The following GRID1 variants were observed in gnomAD, a reference collection of about 807,000 sequenced individuals.
GRID1 encodes glutamate ionotropic receptor delta type subunit 1.
Under a neutral mutation model 98.0 loss-of-function variants are expected in GRID1, and 28 were observed. The observed-to-expected ratio is 0.29, with a 90% CI of 0.21 to 0.39. The LOEUF is 0.39. Among genes scored for constraint, GRID1 ranks in the 10% least tolerant of loss-of-function variants. The probability of loss-of-function intolerance (pLI) is 1.00; values close to 1 mark genes in which losing one functional copy is unlikely to be tolerated. For missense variants in GRID1, 1,111 were observed against 1,340.5 expected (o/e 0.83, Z 2.67); for synonymous variants, 553 against 538.5 (o/e 1.03, Z -0.37).
At chr10:85,759,072 G>T (rs1444604959) in intron 8 of GRID1, among the ~76,000 whole-genome samples, 1 of 152,158 alleles carries the variant, frequency 6.6e-6, no homozygotes, top group Non-Finnish European at 1.5e-5. Context: ...AAACATGATG[G>T]AGATCCCTGC....
intron 3 of GRID1, among the ~76,000 whole-genome samples, chr10:86,148,342 T>A (rs1202859717): frequency 6.6e-6 from 1 of 152,314 alleles, no homozygotes; most frequent in East Asian, 1.9e-4. Flanking sequence ...CTGGAGCAGA[T>A]TATGCTAAGT....
At chr10:85,703,951 C>T (rs946558495) in intron 12 of GRID1, among the ~76,000 whole-genome samples, 5 of 152,038 alleles carry the variant, frequency 3.3e-5, no homozygotes, top group Non-Finnish European at 7.4e-5. Context: ...TCAGCATTTG[C>T]TTGTCTGTAA....
At chr10:86,295,577 T>C (rs981558867) in intron 2 of GRID1, among the ~76,000 whole-genome samples, 4 of 152,020 alleles carry the variant, frequency 2.6e-5, no homozygotes, top group African/African-American at 9.7e-5. Context: ...GTGTTGCAGA[T>C]GCGGAAAGAG....
rs142409946 is a variant in GRID1, at chr10:85,867,928, T to C, written c.951+1082A>G. On this transcript the variant is annotated intron_variant, in intron 6 of 15. Transcript: ENST00000327946. ...TCCACATATGAGATTATAGAGTAGATTCATTCCTTTGGCAAATTTGACACA... is the reference window on the plus strand; with the variant it reads ...TCCACATATGAGATTATAGAGTAGACTCATTCCTTTGGCAAATTTGACACA... Among the ~76,000 whole-genome samples the C allele has an allele frequency of 7.5e-4, 115 of 152,330 alleles. 1 individual carries two copies. The highest frequency in any genetic ancestry group is 4.8e-3 in the South Asian group (23 of 4,826).
At chr10:85,688,643 T>C (rs1439221611) in intron 12 of GRID1, among the ~76,000 whole-genome samples, 1 of 152,222 alleles carries the variant, frequency 6.6e-6, no homozygotes, top group African/African-American at 2.4e-5. Flanking sequence ...CATCTCTAGA[T>C]GGCAAACGAT....
At chr10:86,114,355 T>G (rs745321820) in intron 4 of GRID1, among the ~76,000 whole-genome samples, 18 of 152,090 alleles carry the variant, frequency 1.2e-4, no homozygotes, top group Non-Finnish European at 2.2e-4. Context: ...GGGAAGGCAG[T>G]GGAGAGGTGG....
intron 4 of GRID1, among the ~76,000 whole-genome samples, chr10:86,070,409 A>T (rs971434693): frequency 3.3e-5 from 5 of 152,114 alleles, no homozygotes; most frequent in African/African-American, 1.2e-4. Flanking sequence ...TTCCATAGGG[A>T]GGCTATTTCT....
intron 2 of GRID1, among the ~76,000 whole-genome samples, chr10:86,255,512 C>T (rs1846903385): frequency 6.6e-6 from 1 of 152,220 alleles, no homozygotes; most frequent in Non-Finnish European, 1.5e-5. Context: ...AGTGGCTGAG[C>T]TCCCTTGCCA....
intron 4 of GRID1, among the ~76,000 whole-genome samples, chr10:85,974,187 C>T (rs1448356839): frequency 6.6e-6 from 1 of 152,134 alleles, no homozygotes; most frequent in East Asian, 1.9e-4. Context: ...ATGACCAGAT[C>T]CAGTATCAAT....
chr10:86,236,617 T>C (rs1846543232), intron 2 of GRID1, among the ~76,000 whole-genome samples: 1 of 152,134 alleles, frequency 6.6e-6, no homozygotes. Flanking sequence ...CCTGCATACA[T>C]CATCAATGAC....
chr10:85,613,196 T>C (rs1300997990), intron 15 of GRID1: 5 of 606,122 alleles, frequency 8.2e-6, no homozygotes, highest in Non-Finnish European at 1.4e-5. Context: ...CTGCAGCACT[T>C]TGTTCAAGCA....
chr10:85,675,906 G>A (rs1241272544), intron 12 of GRID1, among the ~76,000 whole-genome samples: 3 of 152,128 alleles, frequency 2.0e-5, no homozygotes, highest in South Asian at 2.1e-4. Context: ...TGAGGGCTGG[G>A]ACCTGCATGT....
At chr10:85,674,150 A>G (rs914205755) in intron 12 of GRID1, among the ~76,000 whole-genome samples, 2 of 152,170 alleles carry the variant, frequency 1.3e-5, no homozygotes, top group Admixed American at 1.3e-4. Context: ...CATATTTCCA[A>G]CGGGATGGGT....
intron 8 of GRID1, among the ~76,000 whole-genome samples, chr10:85,779,607 T>C (rs1394963942): frequency 6.6e-6 from 1 of 152,086 alleles, no homozygotes; most frequent in Non-Finnish European, 1.5e-5. Context: ...TCAAAATATG[T>C]TGAATACCAG....
intron 4 of GRID1, among the ~76,000 whole-genome samples, chr10:85,927,272 A>G (rs1248135199): frequency 6.6e-6 from 1 of 152,212 alleles, no homozygotes; most frequent in Non-Finnish European, 1.5e-5. Context: ...CTGAGAACCA[A>G]TGGACTGTGA....
At chr10:85,911,505 C>G (rs12254291) in intron 5 of GRID1, among the ~76,000 whole-genome samples, 7,505 of 152,232 alleles carry the variant, frequency 0.049, 489 homozygotes, top group African/African-American at 0.16. Flanking sequence ...GAAGTCACCT[C>G]CTCCTGGCCG....
At chr10:86,231,215 G>A (rs1846447068) in intron 2 of GRID1, among the ~76,000 whole-genome samples, 1 of 152,174 alleles carries the variant, frequency 6.6e-6, no homozygotes, top group African/African-American at 2.4e-5. Context: ...ATTCCAAGCG[G>A]AAATGGTTGG....
intron 4 of GRID1, among the ~76,000 whole-genome samples, chr10:85,940,256 G>T (rs1216942172): frequency 6.6e-6 from 1 of 152,048 alleles, no homozygotes; most frequent in Non-Finnish European, 1.5e-5. Context: ...AGACTCTCTT[G>T]TTTTTTCCAA....
At chr10:85,869,203 G>A (rs1308581319) in intron 5 of GRID1, 23 bp from the exon 6 acceptor site, 2 of 1,604,378 alleles carry the variant, frequency 1.2e-6, no homozygotes, top group Non-Finnish European at 8.5e-7. Flanking sequence ...CCAGGCCCAT[G>A]CTTACCATCC....
Sources: allele counts gnomAD v4.1 joint callset (sites outside exome capture counted in the v4.1 genomes callset), GRCh38; gene constraint gnomAD v4.1.1; transcripts MANE v1.5; gene names NCBI Gene and HGNC (gene_info 2026-07-23, HGNC 2026-07-21).